Variants in WWTR1 observed in about 807,000 individuals in gnomAD.
WWTR1 encodes the protein WW domain containing transcription regulator 1, also known as WW domain-containing transcription regulator protein 1.
A neutral mutation model predicts 40.1 loss-of-function variants in WWTR1; 13 were observed. That is an observed-to-expected ratio of 0.32 (90% CI 0.21 to 0.52). WWTR1 has a LOEUF of 0.52. Among genes scored for constraint, WWTR1 ranks in the 20% least tolerant of loss-of-function variants. The pLI is 0.97. For synonymous variants in WWTR1, 230 were observed against 210.1 expected (o/e 1.09, Z -0.82); for missense variants, 436 against 523.1 (o/e 0.83, Z 1.63).
intron 2 of WWTR1, among the ~76,000 whole-genome samples, chr3:149,666,413 A>C (rs966980604): frequency 1.3e-5 from 2 of 152,188 alleles, no homozygotes; most frequent in Non-Finnish European, 2.9e-5. Flanking sequence ...ATTTTCTTTA[A>C]AAATATATAT....
chr3:149,582,619 T>C (rs1216746132), intron 2 of WWTR1, among the ~76,000 whole-genome samples: 1 of 151,708 alleles, frequency 6.6e-6, no homozygotes, highest in Non-Finnish European at 1.5e-5. Flanking sequence ...TGGTCCCAGC[T>C]TCTTGGGAGG....
chr3:149,526,378 C>T (rs1735310477), intron 5 of WWTR1, among the ~76,000 whole-genome samples: 1 of 151,350 alleles, frequency 6.6e-6, no homozygotes, highest in Admixed American at 6.6e-5. Context: ...CATTCTTCAA[C>T]ATACAGAGTA....
intron 3 of WWTR1, among the ~76,000 whole-genome samples, chr3:149,544,755 T>C (rs894006721): frequency 1.3e-5 from 2 of 152,150 alleles, no homozygotes; most frequent in Non-Finnish European, 1.5e-5. Context: ...GTAAAGACAA[T>C]CTGCCTTCAA....
intron 1 of WWTR1, among the ~76,000 whole-genome samples, chr3:149,693,231 A>G (rs1481657040): frequency 6.6e-6 from 1 of 152,240 alleles, no homozygotes; most frequent in Non-Finnish European, 1.5e-5. Context: ...CCCATGTACA[A>G]TAACTATAAA....
chr3:149,518,345 G>A lies in WWTR1; in HGVS notation c.*2460C>T, dbSNP rs1390183154. 1 of 151,922 alleles carries A rather than the reference G, an allele frequency of 6.6e-6. No individual in the cohort carries two copies. Among genetic ancestry groups the A allele is most frequent in the Non-Finnish European group, 1.5e-5 (1 of 67,968 alleles). 9.4% of individuals were successfully genotyped at this position (151,922 alleles called of 1,614,324 possible). A position where few individuals can be genotyped will look rare whatever the true frequency, so the allele number is the denominator to read the frequency against. On this transcript the variant is annotated 3_prime_UTR_variant, in exon 7 of 7. Transcript: ENST00000360632. Reference sequence around the variant, plus strand: ...GATTTACCTACTTTAAAAAAGAGGGGTATCTGTTTCTCTTACATTTAATAA... The same window carrying A: ...GATTTACCTACTTTAAAAAAGAGGGATATCTGTTTCTCTTACATTTAATAA...
intron 1 of WWTR1, among the ~76,000 whole-genome samples, chr3:149,701,019 T>G (rs1192266634): frequency 6.6e-6 from 1 of 152,208 alleles, no homozygotes. Context: ...AAGCTGCAGC[T>G]GCAATCGGTG....
At chr3:149,683,509 C>T (rs1212287490) in intron 1 of WWTR1, among the ~76,000 whole-genome samples, 2 of 152,118 alleles carry the variant, frequency 1.3e-5, no homozygotes, top group African/African-American at 2.4e-5. Context: ...GCCTGGCCAA[C>T]ATGGTGAAAC....
chr3:149,641,411 C>T (rs182158765), intron 2 of WWTR1, among the ~76,000 whole-genome samples: 12 of 152,230 alleles, frequency 7.9e-5, no homozygotes, highest in African/African-American at 2.4e-4. Flanking sequence ...GGACAATGCA[C>T]TTTAATTAGC....
At chr3:149,659,535 C>T (rs1713474676), upstream of WWTR1, 1 of 151,896 alleles carries the variant, frequency 6.6e-6, no homozygotes, top group Non-Finnish European at 1.5e-5. Context: ...GGGGTTTCAC[C>T]ATGTTGGCCA....
intron 2 of WWTR1, among the ~76,000 whole-genome samples, chr3:149,588,478 T>C (rs193266027): frequency 2.4e-4 from 37 of 152,326 alleles, no homozygotes; most frequent in African/African-American, 8.4e-4. Flanking sequence ...TGTTTCTATC[T>C]TTAGTGTATG....
chr3:149,579,184 C>T (rs1159418676), intron 2 of WWTR1, among the ~76,000 whole-genome samples: 1 of 152,096 alleles, frequency 6.6e-6, no homozygotes, highest in Non-Finnish European at 1.5e-5. Context: ...TTTTTCTGCC[C>T]ACCATTTATT....
chr3:149,710,562 T>TC (rs1715448436), intron 5 of WWTR1, among the ~76,000 whole-genome samples: 22 of 72,176 alleles, frequency 3.0e-4, no homozygotes, highest in South Asian at 6.2e-4. Context: ...ATTATCATTA[T>TC]CCCCGCCTCC....
intron 2 of WWTR1, among the ~76,000 whole-genome samples, chr3:149,578,687 C>T (rs909899486): frequency 2.6e-5 from 4 of 152,100 alleles, no homozygotes; most frequent in Non-Finnish European, 4.4e-5. Flanking sequence ...CACCTGAGGT[C>T]GGGAGTTAGA....
intron 2 of WWTR1, among the ~76,000 whole-genome samples, chr3:149,621,040 G>A (rs1028301078): frequency 8.5e-5 from 13 of 152,170 alleles, no homozygotes; most frequent in African/African-American, 3.1e-4. Context: ...TGAACCACAG[G>A]TTCCTGAAAA....
chr3:149,548,789 C>CA (rs1381398631), intron 3 of WWTR1, among the ~76,000 whole-genome samples: 1 of 152,206 alleles, frequency 6.6e-6, no homozygotes, highest in Non-Finnish European at 1.5e-5. Flanking sequence ...ACAAACTTCT[C>CA]AGTGGAGGTA....
At chr3:149,551,641 C>T (rs1241855578) in intron 3 of WWTR1, among the ~76,000 whole-genome samples, 3 of 145,588 alleles carry the variant, frequency 2.1e-5, no homozygotes, top group Non-Finnish European at 4.5e-5. Flanking sequence ...TTGCCTGGGA[C>T]TGAGGGGTTT....
chr3:149,581,211 A>T (rs941612211), intron 2 of WWTR1, among the ~76,000 whole-genome samples: 1 of 152,170 alleles, frequency 6.6e-6, no homozygotes, highest in African/African-American at 2.4e-5. Flanking sequence ...TTCTGCCCAA[A>T]TCCTAAACGG....
chr3:149,533,407 A>T (rs760563264), intron 4 of WWTR1, among the ~76,000 whole-genome samples: 20 of 152,232 alleles, frequency 1.3e-4, no homozygotes, highest in Non-Finnish European at 2.2e-4. Context: ...ACAGGGGAAG[A>T]CTAGAAGGGC....
chr3:149,724,026 CA>C (rs1217855105), intron 4 of WWTR1: 1 of 152,160 alleles, frequency 6.6e-6, no homozygotes, highest in African/African-American at 2.4e-5. Flanking sequence ...AATTATTGCT[CA>C]AGCCCTGGAA....
Sources: allele counts gnomAD v4.1 joint callset (sites outside exome capture counted in the v4.1 genomes callset), GRCh38; gene constraint gnomAD v4.1.1; transcripts MANE v1.5; gene names NCBI Gene and HGNC (gene_info 2026-07-23, HGNC 2026-07-21).